Variants in SLC35A5 observed in about 807,000 individuals in gnomAD.
SLC35A5 encodes solute carrier family 35 member A5, also known as UDP-sugar transporter protein SLC35A5.
SLC35A5 carries 28 observed loss-of-function variants against 36.3 expected under a neutral mutation model. The observed-to-expected ratio is 0.77, with a 90% confidence interval of 0.57 to 1.06. The LOEUF is 1.06. SLC35A5 is among the 50% of genes least tolerant of loss of function. SLC35A5 has a pLI of 0.00. For missense variants in SLC35A5, 521 were observed against 499.3 expected (o/e 1.04, Z -0.41); for synonymous variants, 180 against 173.7 (o/e 1.04, Z -0.29).
chr3:112,567,161 G>A (rs1934232469), intron 2 of SLC35A5, among the ~76,000 whole-genome samples: 1 of 151,984 alleles, frequency 6.6e-6, no homozygotes, highest in Non-Finnish European at 1.5e-5. Context: ...GGGAGGTGGA[G>A]CTTGCAGTGA....
upstream of SLC35A5, chr3:112,561,435 C>T (rs372908416): frequency 2.5e-4 from 398 of 1,612,236 alleles, no homozygotes; most frequent in Non-Finnish European, 3.2e-4. Flanking sequence ...TGACAGCTCC[C>T]GGCAACCCTG....
rs867274116 is a variant in SLC35A5, at chr3:112,563,425, C to T, written c.22C>T (p.His8Tyr). Residue 8 changes from histidine (H) to tyrosine (Y), a missense_variant, in exon 2 of 7, where the codon CAT becomes TAT. By Grantham distance (83) the His-to-Tyr change is moderately conservative. Transcript: ENST00000492406. MEKQCCS[H>Y]PVICSLSTMY... ...TGGAATGGAAAAACAGTGCTGTAGT[C>T]ATCCTGTAATATGCTCCTTGTCAAC... 1.9e-6 allele frequency: 3 copies of T among 1,575,932 alleles called. No homozygotes were observed. Among genetic ancestry groups the T allele is most frequent in the African/African-American group, 1.3e-5 (1 of 74,460 alleles).
intron 2 of SLC35A5, among the ~76,000 whole-genome samples, chr3:112,567,127 G>A (rs533612372): frequency 2.1e-3 from 312 of 152,126 alleles, no homozygotes; most frequent in Non-Finnish European, 3.7e-3. Flanking sequence ...TTGGGAGGCT[G>A]AGGCAGGAGA....
At chr3:112,566,343 A>G (rs2638030) in intron 2 of SLC35A5, among the ~76,000 whole-genome samples, 148,978 of 152,300 alleles carry the variant, frequency 0.98, 72,884 homozygotes, top group Admixed American at 0.99. Context: ...TGAGGGAAAT[A>G]CCAATTATAT....
In SLC35A5 at chr3:112,563,469, A is replaced by C; in HGVS notation, c.66A>C (p.Leu22=). Residue 22 remains leucine, a synonymous_variant, in exon 2 of 7, where the codon CTA becomes CTC. Coordinates refer to ENST00000492406, the MANE Select transcript of SLC35A5 (RefSeq NM_017945.5). ...CSLSTMYTFL[L]GAIFIALSSS... is the part of the protein sequence containing the mutation. ...TGTCAACAATGTATACATTCCTGCT[A>C]GGTGCCATATTCATTGCTTTAAGCT... 6.2e-7 allele frequency: 1 copy of C among 1,608,824 alleles called. No individual in the cohort carries two copies. Among genetic ancestry groups the C allele is most frequent in the Non-Finnish European group, 8.5e-7 (1 of 1,175,962 alleles).
At chr3:112,574,676 T>A (rs904355954) in intron 5 of SLC35A5, among the ~76,000 whole-genome samples, 47 of 151,830 alleles carry the variant, frequency 3.1e-4, no homozygotes, top group African/African-American at 9.4e-4. Flanking sequence ...TTGTTTTTTT[T>A]AAATTTTACA....
Position 112,584,162 on chromosome 3 carries a change from T to C in SLC35A5, c.*1426T>C, listed in dbSNP as rs775470477. On this transcript the variant is annotated 3_prime_UTR_variant, in exon 7 of 7. Transcript: ENST00000492406. ...TAAAATAATTATTAAACCTATGTCT[T>C]GTGTTGCCACTCTGTCATTTAGGGT... The C allele has an allele frequency of 6.6e-6, 1 of 152,176 alleles. No individual in the cohort carries two copies. The highest frequency in any genetic ancestry group is 1.5e-5 in the Non-Finnish European group (1 of 68,026). The allele number at this position is 152,176 out of a possible 1,614,324, so 9.4% of individuals were successfully genotyped here. A position where few individuals can be genotyped will look rare whatever the true frequency, so the allele number is the denominator to read the frequency against.
rs1019783737 is a variant in SLC35A5, at chr3:112,580,860, T to C, written c.743T>C (p.Ile248Thr). ...VQCFISSMANIYNEKILKEGN... is the reference protein window; with the variant it reads ...VQCFISSMANTYNEKILKEGN... ...TGTTTTATTTCTTCAATGGCTAATATCTATAATGAAAAGATACTGAAGGAA... is the reference window on the plus strand; with the variant it reads ...TGTTTTATTTCTTCAATGGCTAATACCTATAATGAAAAGATACTGAAGGAA... Residue 248 changes from isoleucine to threonine, a missense_variant, in exon 6 of 7, where the codon ATC (isoleucine) becomes ACC (threonine). Transcript: ENST00000492406. The C allele has an allele frequency of 1.1e-5, 18 of 1,614,060 alleles. No homozygotes were observed. Among genetic ancestry groups the C allele is most frequent in the African/African-American group, 2.7e-5 (2 of 74,936 alleles).
intron 1 of SLC35A5, among the ~76,000 whole-genome samples, chr3:112,562,478 C>T (rs1013816462): frequency 6.6e-6 from 1 of 152,170 alleles, no homozygotes; most frequent in South Asian, 2.1e-4. Flanking sequence ...CCCGCAGGCT[C>T]TATGCGCTAT....
intron 5 of SLC35A5, among the ~76,000 whole-genome samples, chr3:112,578,082 C>A (rs1380784983): frequency 1.3e-5 from 2 of 152,190 alleles, no homozygotes; most frequent in African/African-American, 2.4e-5. Flanking sequence ...AATATCTAAA[C>A]AATTTATTTT....
chr3:112,574,690 T>A (rs1934594542), intron 5 of SLC35A5, among the ~76,000 whole-genome samples: 1 of 152,106 alleles, frequency 6.6e-6, no homozygotes, highest in South Asian at 2.1e-4. Context: ...TTTTACATTA[T>A]CTTTTTGATT....
In SLC35A5 at chr3:112,585,104, A is replaced by C. The variant is rs1935096822; in HGVS notation, c.*2368A>C. On this transcript the variant is annotated 3_prime_UTR_variant, in exon 7 of 7. Transcript: ENST00000492406. Reference sequence around the variant, plus strand: ...TCTATAAAGAAAAGGGGTTTAAATGACTCGCAGTTCTGCATGGCTGGGGAG... The same window carrying C: ...TCTATAAAGAAAAGGGGTTTAAATGCCTCGCAGTTCTGCATGGCTGGGGAG... 1 of 150,768 alleles carries C rather than the reference A, an allele frequency of 6.6e-6. No homozygotes were observed. The highest frequency in any genetic ancestry group is 1.5e-5 in the Non-Finnish European group (1 of 68,024). The allele number at this position is 150,768 out of a possible 1,614,324, so 9.3% of individuals were successfully genotyped here. A position where few individuals can be genotyped will look rare whatever the true frequency, so the allele number is the denominator to read the frequency against.
At chr3:112,581,617 T>C (rs925797597) in intron 6 of SLC35A5, among the ~76,000 whole-genome samples, 2 of 152,106 alleles carry the variant, frequency 1.3e-5, no homozygotes, top group African/African-American at 4.8e-5. Context: ...TGTCTTGTCC[T>C]GTCTGCATAG....
intron 6 of SLC35A5, among the ~76,000 whole-genome samples, chr3:112,582,308 C>A (rs1576764677): frequency 6.6e-6 from 1 of 152,112 alleles, no homozygotes; most frequent in African/African-American, 2.4e-5. Flanking sequence ...GTCTTGTATT[C>A]TTTTCCAACA....
rs148416358 is a variant in SLC35A5 at position 112,585,266 on chromosome 3, C to A, written c.*2530C>A. 1 of 152,116 alleles carries A rather than the reference C, an allele frequency of 6.6e-6. No individual in the cohort carries two copies. Among genetic ancestry groups the A allele is most frequent in the South Asian group, 2.1e-4 (1 of 4,824 alleles). 9.4% of individuals were successfully genotyped at this position (152,116 alleles called of 1,614,324 possible). A position where few individuals can be genotyped will look rare whatever the true frequency, so the allele number is the denominator to read the frequency against. On this transcript the variant is annotated 3_prime_UTR_variant, in exon 7 of 7. Transcript: ENST00000492406. ...AACCATCAGATCTCATGAGAACTTA[C>A]TATCATGAGAACAGCATGGGGGAAA...
intron 1 of SLC35A5, among the ~76,000 whole-genome samples, chr3:112,562,723 A>T (rs886067180): frequency 3.3e-5 from 5 of 152,232 alleles, no homozygotes; most frequent in African/African-American, 9.6e-5. Flanking sequence ...GAGGAGGAAA[A>T]TACAATTCTG....
intron 3 of SLC35A5, 52 bp downstream of exon 3, chr3:112,569,321 T>A (rs780082501): frequency 1.4e-6 from 2 of 1,385,020 alleles, no homozygotes; most frequent in East Asian, 2.3e-5. Flanking sequence ...CCAAAAAATG[T>A]TAGAACTGGA....
At chr3:112,570,759 T>C (rs780815415) in intron 4 of SLC35A5, 89 bp downstream of exon 4, 1 of 1,324,568 alleles carries the variant, frequency 7.5e-7, no homozygotes, top group Non-Finnish European at 1.0e-6. Context: ...TTTGTTGGCA[T>C]TGTTAGTTTC....
upstream of SLC35A5, chr3:112,561,757 C>T: frequency 1.9e-6 from 1 of 531,062 alleles, no homozygotes; most frequent in Non-Finnish European, 3.3e-6. Flanking sequence ...AGGCAGCCCG[C>T]GACGGACCGG....
Sources: gnomAD v4.1 joint callset for allele counts (sites outside exome capture counted in the v4.1 genomes callset) on GRCh38, gnomAD v4.1.1 for gene constraint, MANE v1.5 for transcripts, NCBI Gene and HGNC (gene_info 2026-07-23, HGNC 2026-07-21) for gene names.